Variants in CES5A observed in about 807,000 individuals in gnomAD.
CES5A encodes carboxylesterase 5A.
In CES5A, 67 loss-of-function variants were observed where a neutral mutation model predicts 62.9. The ratio of observed to expected loss-of-function variants is 1.07; its 90% CI spans 0.88 to 1.31. The LOEUF is 1.31. Ranked by LOEUF, CES5A falls within the 50% of genes most tolerant of loss-of-function variation. CES5A has a pLI of 0.00. For synonymous variants in CES5A, 296 were observed against 280.8 expected, an observed-to-expected ratio of 1.05 and a Z score of -0.54; for missense variants, 748 against 708.5, an observed-to-expected ratio of 1.06 and a Z score of -0.63.
At chr16:55,847,768 A>C (rs2033045985) in intron 11 of CES5A, among the ~76,000 whole-genome samples, 1 of 152,208 alleles carries the variant, frequency 6.6e-6, no homozygotes. Context: ...TAAATATATA[A>C]TGTATATGTC....
Position 55,919,808 on chromosome 16 carries a change from T to G in CES5A, c.-256+5515A>C, listed in dbSNP as rs149209635. Among the ~76,000 whole-genome samples, 370 of 152,366 alleles carry G rather than the reference T, an allele frequency of 2.4e-3. 2 individuals are homozygous for G. The highest frequency in any genetic ancestry group is 8.3e-3 in the African/African-American group (346 of 41,600). On this transcript the variant is annotated intron_variant, in intron 1 of 12. Coordinates refer to the CES5A transcript ENST00000518005. ...AACTGTAGAATTGTGGAAATAATCA[T>G]AGCTGGCACATTTGAGCTCCTTCTT... is the stretch of plus-strand genomic sequence containing the variant.
intron 2 of CES5A, among the ~76,000 whole-genome samples, chr16:55,949,405 G>C (rs1382329088): frequency 6.6e-6 from 1 of 152,238 alleles, no homozygotes; most frequent in Admixed American, 6.5e-5. Flanking sequence ...AATCCCCAAA[G>C]GGGAGATAGC....
At chr16:55,931,505 T>G (rs2034311505) in intron 2 of CES5A, among the ~76,000 whole-genome samples, 1 of 152,192 alleles carries the variant, frequency 6.6e-6, no homozygotes, top group South Asian at 2.1e-4. Flanking sequence ...GCCCTTGCTC[T>G]GTCTCCACCC....
intron 1 of CES5A, among the ~76,000 whole-genome samples, chr16:55,911,650 C>T (rs2034093821): frequency 6.6e-6 from 1 of 152,168 alleles, no homozygotes; most frequent in Admixed American, 6.5e-5. Flanking sequence ...GTTTTCTATT[C>T]TGCGCTTATT....
chr16:55,865,676 C>A (rs1268320430), intron 5 of CES5A, among the ~76,000 whole-genome samples: 1 of 152,174 alleles, frequency 6.6e-6, no homozygotes. Flanking sequence ...ACCATTCTGG[C>A]AATTGAATAC....
intron 1 of CES5A, among the ~76,000 whole-genome samples, chr16:55,908,865 G>A (rs1265589395): frequency 1.3e-5 from 2 of 152,206 alleles, no homozygotes; most frequent in East Asian, 1.9e-4. Context: ...AGTGGACATG[G>A]TCACTTAGTA....
chr16:55,905,544 T>C (rs924603732), intron 1 of CES5A, among the ~76,000 whole-genome samples: 1 of 152,038 alleles, frequency 6.6e-6, no homozygotes, highest in African/African-American at 2.4e-5. Flanking sequence ...CTTTTGTATT[T>C]TTAGGAGAAA....
chr16:55,855,245 G>A (rs770302708), intron 9 of CES5A, among the ~76,000 whole-genome samples: 4 of 152,180 alleles, frequency 2.6e-5, no homozygotes, highest in Non-Finnish European at 5.9e-5. Flanking sequence ...TGTGTTCCAT[G>A]GACAAGTGAA....
intron 11 of CES5A, among the ~76,000 whole-genome samples, chr16:55,847,544 G>A (rs144474454): frequency 2.0e-5 from 3 of 152,118 alleles, no homozygotes; most frequent in African/African-American, 4.8e-5. Flanking sequence ...GCCCAGTGAC[G>A]AGCCTCAGAG....
intron 2 of CES5A, among the ~76,000 whole-genome samples, chr16:55,939,188 C>A (rs1423088313): frequency 1.3e-5 from 2 of 152,100 alleles, no homozygotes; most frequent in Admixed American, 1.3e-4. Context: ...CTACTAGTTC[C>A]CACAAAAGTA....
At chr16:55,946,423 C>T (rs909340953) in intron 2 of CES5A, among the ~76,000 whole-genome samples, 1 of 152,172 alleles carries the variant, frequency 6.6e-6, no homozygotes, top group Non-Finnish European at 1.5e-5. Context: ...TCAGTTTGTA[C>T]TATAAATCCT....
chr16:55,936,761 G>A (rs893230342), intron 2 of CES5A, among the ~76,000 whole-genome samples: 1 of 152,194 alleles, frequency 6.6e-6, no homozygotes, highest in Non-Finnish European at 1.5e-5. Flanking sequence ...GGGGTCACAC[G>A]AAGTTGAGGA....
intron 1 of CES5A, among the ~76,000 whole-genome samples, chr16:55,916,472 T>C (rs753352658): frequency 1.3e-5 from 2 of 152,214 alleles, no homozygotes; most frequent in Admixed American, 1.3e-4. Context: ...AGCCAGCCTA[T>C]GAGGCTAGAA....
intron 1 of CES5A, among the ~76,000 whole-genome samples, chr16:55,920,514 C>T (rs1482455635): frequency 1.3e-5 from 2 of 152,076 alleles, no homozygotes; most frequent in African/African-American, 4.8e-5. Flanking sequence ...CCCTTTGAGA[C>T]CCCCCCATTC....
intron 1 of CES5A, among the ~76,000 whole-genome samples, chr16:55,921,481 A>G (rs1233246540): frequency 1.3e-5 from 2 of 152,056 alleles, no homozygotes; most frequent in Non-Finnish European, 2.9e-5. Context: ...GCTGAAAGAA[A>G]AAAAACTGTC....
chr16:55,875,096 A>G, intron 1 of CES5A, 53 bp downstream of exon 1: 3 of 1,559,032 alleles, frequency 1.9e-6, no homozygotes, highest in Non-Finnish European at 2.7e-6. Context: ...CCAGTGGAAA[A>G]TCCTCACCCA....
At chr16:55,902,117 T>C (rs1359560379) in intron 1 of CES5A, among the ~76,000 whole-genome samples, 4 of 152,202 alleles carry the variant, frequency 2.6e-5, no homozygotes, top group African/African-American at 9.7e-5. Flanking sequence ...CCACCAAAGA[T>C]TTTCCATGTC....
chr16:55,862,473 A>G (rs1275528831), intron 6 of CES5A, among the ~76,000 whole-genome samples: 1 of 152,182 alleles, frequency 6.6e-6, no homozygotes, highest in Admixed American at 6.5e-5. Context: ...TAAATCCCAA[A>G]GTTCTAACAG....
At chr16:55,900,985 A>T (rs938569539) in intron 1 of CES5A, among the ~76,000 whole-genome samples, 5 of 152,066 alleles carry the variant, frequency 3.3e-5, no homozygotes, top group South Asian at 2.1e-4. Flanking sequence ...AGAGCTGCCC[A>T]CCTCTCTCAT....
Sources: allele counts gnomAD v4.1 joint callset (sites outside exome capture counted in the v4.1 genomes callset), GRCh38; gene constraint gnomAD v4.1.1; transcripts MANE v1.5; gene names NCBI Gene and HGNC (gene_info 2026-07-23, HGNC 2026-07-21).